Variants in DYNC2I1 observed in about 807,000 individuals in gnomAD.
DYNC2I1 encodes dynein 2 intermediate chain 1.
Under a neutral mutation model 133.4 loss-of-function variants are expected in DYNC2I1, and 89 were observed. That is an observed-to-expected ratio of 0.67 (90% CI 0.56 to 0.80). The LOEUF (loss-of-function observed/expected upper bound fraction) is 0.80, where lower values mean the gene tolerates loss of function less well. Ranked by LOEUF, DYNC2I1 falls within the 30% of genes least tolerant of loss-of-function variation. The pLI is 0.00. For missense variants in DYNC2I1, 1,291 were observed against 1,314.5 expected (o/e 0.98, Z 0.28); for synonymous variants, 504 against 484.3 (o/e 1.04, Z -0.54).
At position 158,899,777 on chromosome 7, in the gene DYNC2I1, T is replaced by G. The variant is rs200887811; in HGVS notation, c.1060-1962T>G. Among the ~76,000 whole-genome samples, 53 of 152,318 alleles carry G rather than the reference T, an allele frequency of 3.5e-4. 1 individual carries two copies. The East Asian group carries it at 8.3e-3, about 24-fold the overall frequency. On this transcript the variant is annotated intron_variant, in intron 8 of 24. Coordinates refer to ENST00000407559, the MANE Select transcript of DYNC2I1 (RefSeq NM_018051.5). The stretch of plus-strand genomic sequence containing the variant: ...CGTTCAAGAAGTGCCTTTTGCCTCC[T>G]GCCATGATTCTGAGGCCTCCCCAGC...
At chr7:158,911,501 CGT>C (rs1329915471) in intron 11 of DYNC2I1, 47 bp from the exon 12 acceptor site, 1 of 1,592,338 alleles carries the variant, frequency 6.3e-7, no homozygotes, top group East Asian at 2.2e-5. Context: ...CACTTCCCCA[CGT>C]ATATTATTCG....
rs112304928 is a variant in DYNC2I1 at position 158,857,875 on chromosome 7, C to T, written c.15+1125C>T. On this transcript the variant is annotated intron_variant, in intron 1 of 24. Coordinates refer to ENST00000407559, the MANE Select transcript of DYNC2I1 (RefSeq NM_018051.5). The stretch of plus-strand genomic sequence containing the variant: ...GCACGATCTCTACTCACCGCAACCT[C>T]CAACTCCTGGGTTCCAGCGATTCTC... Among the ~76,000 whole-genome samples the T allele has an allele frequency of 9.0e-3, 1,361 of 150,976 alleles. 9 individuals are homozygous for T. The highest frequency in any genetic ancestry group is 0.03 in the African/African-American group (1,235 of 40,978).
chr7:158,845,108 T>G, the DYNC2I1 span, among the ~76,000 whole-genome samples: 1 of 152,310 alleles, frequency 6.6e-6, no homozygotes, highest in East Asian at 1.9e-4. Context: ...CTGCTGTTAC[T>G]TTTCTTCTGA....
chr7:158,873,447 C>T (rs796567332), intron 3 of DYNC2I1, among the ~76,000 whole-genome samples: 57 of 152,126 alleles, frequency 3.7e-4, no homozygotes, highest in African/African-American at 1.3e-3. Context: ...CCATTTGAGT[C>T]GTTTGAAGAT....
intron 23 of DYNC2I1, among the ~76,000 whole-genome samples, chr7:158,937,411 G>T (rs1267294232): frequency 2.6e-5 from 4 of 152,104 alleles, no homozygotes; most frequent in Non-Finnish European, 5.9e-5. Context: ...TGGATCACGA[G>T]GTCAGGAGAT....
At chr7:158,901,941 G>C (rs904498669) in intron 9 of DYNC2I1, 125 bp downstream of exon 9, 9 of 712,090 alleles carry the variant, frequency 1.3e-5, no homozygotes, top group Non-Finnish European at 2.0e-5. Context: ...TATCTGGCTA[G>C]GTTGATTTAG....
At chr7:158,877,274 C>T (rs559693952) in intron 4 of DYNC2I1, among the ~76,000 whole-genome samples, 1 of 151,668 alleles carries the variant, frequency 6.6e-6, no homozygotes, top group Non-Finnish European at 1.5e-5. Flanking sequence ...TGTTGGTGCT[C>T]TCCAGGCACC....
chr7:158,943,334 G>A (rs1019331523), intron 24 of DYNC2I1, among the ~76,000 whole-genome samples: 2 of 152,228 alleles, frequency 1.3e-5, no homozygotes, highest in African/African-American at 4.8e-5. Flanking sequence ...CACCGACTGT[G>A]TGCCTGGCGG....
At chr7:158,942,507 T>C (rs967882616) in intron 24 of DYNC2I1, among the ~76,000 whole-genome samples, 2 of 152,256 alleles carry the variant, frequency 1.3e-5, no homozygotes, top group African/African-American at 4.8e-5. Flanking sequence ...AAAATCACTT[T>C]AAAGTGTGAT....
intron 20 of DYNC2I1, among the ~76,000 whole-genome samples, chr7:158,928,238 G>C (rs1849818509): frequency 6.6e-6 from 1 of 151,160 alleles, no homozygotes; most frequent in Non-Finnish European, 1.5e-5. Context: ...ATTCAGTCCT[G>C]TTGTGTTCTG....
chr7:158,920,019 G>C (rs1184109447), intron 15 of DYNC2I1, among the ~76,000 whole-genome samples: 1 of 151,830 alleles, frequency 6.6e-6, no homozygotes. Flanking sequence ...CGTGAAGTGT[G>C]TGTGTGTACC....
intron 4 of DYNC2I1, among the ~76,000 whole-genome samples, chr7:158,953,915 T>C (rs1477427130): frequency 6.6e-6 from 1 of 152,066 alleles, no homozygotes; most frequent in Non-Finnish European, 1.5e-5. Context: ...CATACGTGTA[T>C]ATTTGTATAA....
At chr7:158,864,011 G>A (rs1584948155) in intron 1 of DYNC2I1, among the ~76,000 whole-genome samples, 1 of 144,562 alleles carries the variant, frequency 6.9e-6, no homozygotes, top group Non-Finnish European at 1.5e-5. Context: ...ATGTGGGGGA[G>A]AGCGGGACGT....
At chr7:158,919,972 G>A (rs1848856823) in intron 15 of DYNC2I1, among the ~76,000 whole-genome samples, 1 of 152,076 alleles carries the variant, frequency 6.6e-6, no homozygotes, top group Non-Finnish European at 1.5e-5. Flanking sequence ...TGAAGTGTGT[G>A]TGTGTACTGC....
chr7:158,848,752 A>C, the DYNC2I1 span, among the ~76,000 whole-genome samples: 1 of 152,094 alleles, frequency 6.6e-6, no homozygotes, highest in Admixed American at 6.6e-5. Context: ...GTGAAACCCC[A>C]TCTCTACTAA....
chr7:158,874,938 G>T (rs1843216908), intron 3 of DYNC2I1, among the ~76,000 whole-genome samples: 1 of 152,072 alleles, frequency 6.6e-6, no homozygotes, highest in African/African-American at 2.4e-5. Flanking sequence ...CTCGCGTCCT[G>T]AGGTCACAAG....
the DYNC2I1 span, among the ~76,000 whole-genome samples, chr7:158,840,122 AC>A: frequency 6.6e-6 from 1 of 152,014 alleles, no homozygotes; most frequent in East Asian, 1.9e-4. Flanking sequence ...GAGGTGGTTG[AC>A]TTTTGTGACA....
In DYNC2I1 at chr7:158,945,848, A is replaced by G; in HGVS notation, c.*69A>G. On this transcript the variant is annotated 3_prime_UTR_variant, in exon 25 of 25. Coordinates refer to ENST00000407559, the MANE Select transcript of DYNC2I1 (RefSeq NM_018051.5). This position sits in a 1 kb window ranked among gnomAD's most constrained non-coding sequence, Gnocchi z 4.1. The stretch of plus-strand genomic sequence containing the variant: ...TAAAAGACATAAGGTGGATAATTCT[A>G]CATTTGTGTGCAAGTATATTTATGT... The G allele has an allele frequency of 7.2e-7, 1 of 1,397,560 alleles. No homozygotes were observed. The highest frequency in any genetic ancestry group is 9.5e-7 in the Non-Finnish European group (1 of 1,055,926). The allele number at this position is 1,397,560 out of a possible 1,614,324, so 86.6% of individuals were successfully genotyped here.
At chr7:158,889,127 C>G (rs113835582) in intron 7 of DYNC2I1, among the ~76,000 whole-genome samples, 168 of 146,188 alleles carry the variant, frequency 1.1e-3, no homozygotes, top group African/African-American at 4.0e-3. Context: ...GTCACCCAGG[C>G]TGGAGCGCAG....
Sources: allele counts gnomAD v4.1 joint callset (sites outside exome capture counted in the v4.1 genomes callset), GRCh38; gene constraint gnomAD v4.1.1; non-coding constraint Gnocchi (gnomAD v3.1); transcripts MANE v1.5; gene names NCBI Gene and HGNC (gene_info 2026-07-23, HGNC 2026-07-21).